LRP1B: variants seen among roughly 807,000 people sequenced by gnomAD.
LRP1B encodes low-density lipoprotein receptor-related protein 1B.
In LRP1B, 217 loss-of-function variants were observed where a neutral mutation model predicts 556.6. That is an observed-to-expected ratio of 0.39 (90% CI 0.35 to 0.44). LRP1B has a LOEUF of 0.44. Among genes scored for constraint, LRP1B ranks in the 20% least tolerant of loss-of-function variants. The pLI is 1.00. For synonymous variants in LRP1B, 2,047 were observed against 1,865.8 expected (o/e 1.10, Z -2.50); for missense variants, 5,053 against 5,620.8 (o/e 0.90, Z 3.23).
intron 9 of LRP1B, among the ~76,000 whole-genome samples, chr2:141,055,547 A>G (rs1558829460): frequency 6.6e-6 from 1 of 151,940 alleles, no homozygotes; most frequent in South Asian, 2.1e-4. Flanking sequence ...TAAAAGTAAC[A>G]TAACTTTTTT....
At chr2:140,317,089 A>C (rs559581515) in intron 82 of LRP1B, among the ~76,000 whole-genome samples, 1 of 152,274 alleles carries the variant, frequency 6.6e-6, no homozygotes, top group East Asian at 1.9e-4. Flanking sequence ...GTGAGTGGAC[A>C]TGAATGAAAG....
At chr2:141,985,371 CA>C (rs1481147559) in intron 1 of LRP1B, among the ~76,000 whole-genome samples, 3 of 151,974 alleles carry the variant, frequency 2.0e-5, no homozygotes, top group Admixed American at 1.3e-4. Context: ...AGCACATTAC[CA>C]TCAAAGAGGG....
chr2:141,077,688 C>A (rs955778871), intron 7 of LRP1B, among the ~76,000 whole-genome samples: 1 of 152,306 alleles, frequency 6.6e-6, no homozygotes, highest in East Asian at 1.9e-4. Context: ...CTGTGGATTA[C>A]CGCATCAGCT....
chr2:140,619,186 C>G (rs1683364967), intron 41 of LRP1B, among the ~76,000 whole-genome samples: 2 of 151,866 alleles, frequency 1.3e-5, no homozygotes, highest in African/African-American at 4.8e-5. Context: ...TTTCTGCCCC[C>G]TTTCCAGTCC....
Position 140,296,739 on chromosome 2 carries a change from G to C in LRP1B, c.12967+1069C>G, listed in dbSNP as rs1048572434. Among the ~76,000 whole-genome samples, 3 of 152,276 alleles carry C rather than the reference G, an allele frequency of 2.0e-5. No homozygotes were observed. The East Asian group carries it at 5.8e-4, about 29-fold the overall frequency. Reference sequence around the variant, plus strand: ...TGAAAGTAGATGTAAAATAAGAATTGAGATTTGATCATTATATATGGCAAC... The same window carrying C: ...TGAAAGTAGATGTAAAATAAGAATTCAGATTTGATCATTATATATGGCAAC... On this transcript the variant is annotated intron_variant, in intron 84 of 90. Transcript: ENST00000389484.
intron 3 of LRP1B, among the ~76,000 whole-genome samples, chr2:141,475,173 G>T (rs996376575): frequency 5.9e-5 from 9 of 152,076 alleles, no homozygotes; most frequent in Non-Finnish European, 1.3e-4. Flanking sequence ...AGGAGTTTGT[G>T]ACCAGCTTGG....
At chr2:142,099,456 C>T (rs1178971790) in intron 1 of LRP1B, among the ~76,000 whole-genome samples, 1 of 151,822 alleles carries the variant, frequency 6.6e-6, no homozygotes, top group Non-Finnish European at 1.5e-5. Context: ...AAAATATTTT[C>T]CACTTAAATT....
In LRP1B at chr2:140,369,663, TA is replaced by T. The variant is rs11430740; in HGVS notation, c.11008+1046del. Among the ~76,000 whole-genome samples, 446 of 144,566 alleles carry T rather than the reference TA, an allele frequency of 3.1e-3. 2 individuals are homozygous for T. Among genetic ancestry groups the T allele is most frequent in the African/African-American group, 8.7e-3 (347 of 39,754 alleles). 94.8% of individuals were successfully genotyped at this position (144,566 alleles called of 152,430 possible). On this transcript the variant is annotated intron_variant, in intron 71 of 90. Coordinates refer to ENST00000389484, the MANE Select transcript of LRP1B (RefSeq NM_018557.3). Reference sequence around the variant, plus strand: ...GTTAACCCTGCTCTGCAAGGAGCTGTAAAAAAAAAAAACTATTTTTTTCTGC... The same window carrying T: ...GTTAACCCTGCTCTGCAAGGAGCTGTAAAAAAAAAAACTATTTTTTTCTGC...
intron 41 of LRP1B, among the ~76,000 whole-genome samples, chr2:140,674,205 C>T (rs1156313092): frequency 6.6e-6 from 1 of 152,088 alleles, no homozygotes; most frequent in Non-Finnish European, 1.5e-5. Context: ...CTGCCTCGGC[C>T]TCCCAAAATG....
rs781179307 is a variant in LRP1B, at chr2:140,618,667, AAGC to A, written c.6800-17031_6800-17029del. ...CAGGACAGAAGAACTTAGGACATAC[AAGC>A]AGTTTATTTTCTAAACAAGTTTGTA... On this transcript the variant is annotated intron_variant, in intron 41 of 90. Coordinates refer to ENST00000389484, the MANE Select transcript of LRP1B (RefSeq NM_018557.3). 5.3e-5 allele frequency among the ~76,000 whole-genome samples: 8 copies of A among 152,248 alleles called. No individual in the cohort carries two copies. The South Asian group carries it at 1.0e-3, about 20-fold the overall frequency.
intron 18 of LRP1B, among the ~76,000 whole-genome samples, chr2:140,979,747 CA>C (rs1184166831): frequency 6.6e-6 from 1 of 152,144 alleles, no homozygotes; most frequent in Non-Finnish European, 1.5e-5. Flanking sequence ...GCAAGGATCA[CA>C]AAACAAAGTC....
intron 3 of LRP1B, among the ~76,000 whole-genome samples, chr2:141,391,241 C>T (rs576130390): frequency 2.6e-5 from 4 of 152,168 alleles, no homozygotes; most frequent in African/African-American, 7.2e-5. Flanking sequence ...GTCTTGGTCA[C>T]CATAGCCTAG....
rs1046348191 is a variant in LRP1B, at chr2:140,457,564, C to G, written c.9713G>C (p.Ser3238Thr). Residue 3238 changes from serine (S) to threonine (T), a missense_variant, in exon 61 of 91, where the codon AGC becomes ACC. Coordinates refer to ENST00000389484, the MANE Select transcript of LRP1B (RefSeq NM_018557.3). ...TGCTCCCGATGTTTTATGGGCACGG[C>G]TGAGTGACTTGGTTTTCCCATCAGT... The part of the protein sequence containing the change: ...YWTDGKTKSL[S>T]RAHKTSGADR... 4 of 1,613,676 alleles carry G rather than the reference C, an allele frequency of 2.5e-6. No homozygotes were observed. Among genetic ancestry groups the G allele is most frequent in the African/African-American group, 1.3e-5 (1 of 74,874 alleles).
chr2:140,800,367 T>G (rs1397947291), intron 32 of LRP1B, among the ~76,000 whole-genome samples: 5 of 152,116 alleles, frequency 3.3e-5, no homozygotes, highest in African/African-American at 1.2e-4. Context: ...CTGCACATTG[T>G]GCACATGTAC....
chr2:141,699,516 A>G (rs900853603), intron 2 of LRP1B, among the ~76,000 whole-genome samples: 1 of 151,680 alleles, frequency 6.6e-6, no homozygotes, highest in African/African-American at 2.4e-5. Flanking sequence ...GCCTGTGTTT[A>G]TTTTTAATTA....
At chr2:141,433,003 C>T (rs886314414) in intron 3 of LRP1B, among the ~76,000 whole-genome samples, 7 of 151,866 alleles carry the variant, frequency 4.6e-5, no homozygotes, top group African/African-American at 9.7e-5. Flanking sequence ...TGAGACTTCT[C>T]TTCTTTCTTA....
At chr2:140,766,620 C>CTATGA (rs1553527272) in intron 35 of LRP1B, among the ~76,000 whole-genome samples, 2 of 148,964 alleles carry the variant, frequency 1.3e-5, no homozygotes, top group Non-Finnish European at 3.0e-5. Context: ...GCTCTACAGA[C>CTATGA]TGATGATGAT....
At chr2:140,349,942 G>A (rs1681881811) in intron 77 of LRP1B, among the ~76,000 whole-genome samples, 1 of 152,068 alleles carries the variant, frequency 6.6e-6, no homozygotes, top group South Asian at 2.1e-4. Context: ...GCATCAAATG[G>A]ATTTATGTAG....
rs150750486 is a variant in LRP1B, at chr2:141,448,580, G to A, written c.343+31816C>T. Among the ~76,000 whole-genome samples the A allele has an allele frequency of 3.5e-3, 528 of 152,258 alleles. 3 individuals carry two copies. Among genetic ancestry groups the A allele is most frequent in the Middle Eastern group, 0.024 (7 of 294 alleles). ...GGGTTGCGAAGACCATGGCAAAAGC[G>A]TAGTATCTGGGCCGGATTGCACCAT... On this transcript the variant is annotated intron_variant, in intron 3 of 90. Coordinates refer to ENST00000389484, the MANE Select transcript of LRP1B (RefSeq NM_018557.3).
Sources: gnomAD v4.1 joint callset for allele counts (sites outside exome capture counted in the v4.1 genomes callset) on GRCh38, gnomAD v4.1.1 for gene constraint, MANE v1.5 for transcripts, NCBI Gene and HGNC (gene_info 2026-07-23, HGNC 2026-07-21) for gene names.